The following VWCE variants were observed in gnomAD, a reference collection of about 807,000 sequenced individuals.
VWCE encodes the protein von Willebrand factor C and EGF domains.
In VWCE, 68 loss-of-function variants were observed where a neutral mutation model predicts 102.9. That is an observed-to-expected ratio of 0.66 (90% CI 0.54 to 0.81). The LOEUF (loss-of-function observed/expected upper bound fraction) is 0.81, where lower values mean the gene tolerates loss of function less well. Ranked by LOEUF, VWCE falls within the 30% of genes least tolerant of loss-of-function variation. The pLI, the probability that VWCE is intolerant of heterozygous loss-of-function variation, is 0.00. For missense variants in VWCE, 1,137 were observed against 1,263.6 expected (o/e 0.90, Z 1.52); for synonymous variants, 497 against 515.4 (o/e 0.96, Z 0.48).
Position 61,259,153 on chromosome 11 carries a change from T to TG in VWCE, c.2389dup (p.His797ProfsTer131). 10 of 1,614,106 alleles carry TG rather than the reference T, an allele frequency of 6.2e-6. No homozygotes were observed. The highest frequency in any genetic ancestry group is 8.5e-6 in the Non-Finnish European group (10 of 1,180,002). On this transcript the variant is annotated frameshift_variant, in exon 20 of 20. Transcript: ENST00000335613. LOFTEE classifies it low-confidence loss of function (END_TRUNC). ...CGTTCTTAAAAGGAGCTGGAGGAGA[T>TG]GAAGCACCGGCCTCGAGGGTGATGC...
chr11:61,292,581 G>T (rs75670162), intron 1 of VWCE, among the ~76,000 whole-genome samples: 2,655 of 152,178 alleles, frequency 0.017, 63 homozygotes, highest in East Asian at 0.11. Context: ...TGAATGAGCT[G>T]CCCAAAACTG....
At chr11:61,265,067 T>A (rs766876841) in intron 17 of VWCE, 29 bp from the exon 18 acceptor site, 2 of 1,614,046 alleles carry the variant, frequency 1.2e-6, no homozygotes, top group East Asian at 4.5e-5. Flanking sequence ...CAGGAGCCCA[T>A]GAGAGCCGAG....
intron 15 of VWCE, among the ~76,000 whole-genome samples, chr11:61,268,331 A>G (rs959167934): frequency 1.3e-5 from 2 of 152,192 alleles, no homozygotes; most frequent in Non-Finnish European, 1.5e-5. Context: ...AGGCAGGCAG[A>G]TCACCTGAGG....
At chr11:61,265,337 G>A in intron 16 of VWCE, 125 bp from the exon 17 acceptor site, 1 of 873,522 alleles carries the variant, frequency 1.1e-6, no homozygotes. Flanking sequence ...AGGAGTCCAT[G>A]GTGGGGCAGT....
Position 61,282,908 on chromosome 11 carries a change from G to A in VWCE, c.542-3C>T. The A allele has an allele frequency of 6.2e-7, 1 of 1,611,912 alleles. No individual in the cohort carries two copies. The highest frequency in any genetic ancestry group is 8.5e-7 in the Non-Finnish European group (1 of 1,177,976). On this transcript the variant is annotated splice_polypyrimidine_tract_variant and splice_region_variant and intron_variant, in intron 5 of 19. Coordinates refer to ENST00000335613, the MANE Select transcript of VWCE (RefSeq NM_152718.2). The stretch of plus-strand genomic sequence containing the variant: ...AGTCCCTAGGCATTCGTCAGTGTCT[G>A]GCAGGAAAAGGGACAAGACTGGGGT...
Position 61,280,688 on chromosome 11 carries a change from C to A in VWCE, c.1260G>T (p.Arg420Ser). 1 of 1,614,064 alleles carries A rather than the reference C, an allele frequency of 6.2e-7. No homozygotes were observed. The highest frequency in any genetic ancestry group is 8.5e-7 in the Non-Finnish European group (1 of 1,180,032). ...TTGGGTGGGAACAAGCAGCTTCACA[C>A]CTCACCTTTTCACAGGTCACCTTCC... is the stretch of plus-strand genomic sequence containing the variant. ...EDGKVTCEKV[R>S]CEAACSHPIP... Residue 420 changes from arginine to serine, a missense_variant, in exon 9 of 20, where the codon AGG becomes AGT. Around this residue, in one of 5 missense-constraint regions of VWCE, gnomAD observed 575 missense variants for 625.9 expected, o/e 0.92. Transcript: ENST00000335613.
chr11:61,259,609 C>T (rs534276586), intron 19 of VWCE, among the ~76,000 whole-genome samples: 1 of 152,132 alleles, frequency 6.6e-6, no homozygotes, highest in Non-Finnish European at 1.5e-5. Context: ...AAAGGGTGCA[C>T]GGAGAGTCTC....
In VWCE at chr11:61,291,295, G is replaced by A; in HGVS notation, c.264C>T (p.Cys88=). The A allele has an allele frequency of 6.2e-7, 1 of 1,605,836 alleles. No individual in the cohort carries two copies. The highest frequency in any genetic ancestry group is 2.2e-5 in the East Asian group (1 of 44,780). ...GICIAPNVCS[C]QDGEQGATCP... is the part of the protein sequence containing the mutation. ...AGGTGGCCCCTTGCTCTCCATCCTG[G>A]CAGGAGCAGACATTGGGAGCGATGC... Residue 88 remains cysteine, a synonymous_variant, in exon 3 of 20, where the codon TGC becomes TGT. Transcript: ENST00000335613.
intron 19 of VWCE, among the ~76,000 whole-genome samples, chr11:61,261,267 T>A (rs564463218): frequency 8.7e-5 from 13 of 150,230 alleles, no homozygotes; most frequent in Middle Eastern, 3.4e-3. Context: ...CAAGGAAAAA[T>A]CAGACGTTGT....
In VWCE at chr11:61,281,885, T is replaced by C; in HGVS notation, c.688A>G (p.Arg230Gly). The change falls in exon 7 of 20, where the codon AGG becomes GGG. Residue 230 changes from arginine (R) to glycine (G), a missense_variant. Physicochemically the swap from Arg to Gly is moderately radical, Grantham distance 125 (BLOSUM62 -2). Coordinates refer to ENST00000335613, the MANE Select transcript of VWCE (RefSeq NM_152718.2). ...DVNECRRPLE[R>G]RVCHHSCHNT... ...TGGCAGGAATGGTGACAGACTCGCC[T>C]CTCCAATGGCCTCCGACACTCGTTT... 1 of 1,613,702 alleles carries C rather than the reference T, an allele frequency of 6.2e-7. No homozygotes were observed. The highest frequency in any genetic ancestry group is 1.7e-4 in the Middle Eastern group (1 of 6,056).
At chr11:61,289,554 A>G (rs1407967006) in intron 4 of VWCE, among the ~76,000 whole-genome samples, 3 of 152,188 alleles carry the variant, frequency 2.0e-5, no homozygotes, top group Non-Finnish European at 4.4e-5. Flanking sequence ...CTAGCGAAAA[A>G]AAAAATTATG....
At chr11:61,290,084 C>T (rs543118862) in intron 4 of VWCE, among the ~76,000 whole-genome samples, 1 of 152,324 alleles carries the variant, frequency 6.6e-6, no homozygotes, top group South Asian at 2.1e-4. Flanking sequence ...AAGGAGCCTC[C>T]CCTGGCCAAC....
chr11:61,281,773 G>A lies in VWCE; in HGVS notation c.787+13C>T, dbSNP rs373378507. ...CGTGGCCAGCCGCCGGGATGGAGGG[G>A]CCTGGCGCTCACCTTCACAGGACAC... On this transcript the variant is annotated intron_variant, in intron 7 of 19. Coordinates refer to ENST00000335613, the MANE Select transcript of VWCE (RefSeq NM_152718.2). 4 of 1,605,820 alleles carry A rather than the reference G, an allele frequency of 2.5e-6. No homozygotes were observed. Among genetic ancestry groups the A allele is most frequent in the East Asian group, 2.2e-5 (1 of 44,516 alleles).
chr11:61,271,569 G>A, intron 14 of VWCE, 106 bp downstream of exon 14: 1 of 1,081,812 alleles, frequency 9.2e-7, no homozygotes, highest in Non-Finnish European at 1.4e-6. Flanking sequence ...GAGGGAGACT[G>A]CGGCCAGCCT....
At position 61,281,902 on chromosome 11, in the gene VWCE, C is replaced by T. The variant is rs1319350200; in HGVS notation, c.671G>A (p.Cys224Tyr). The change falls in exon 7 of 20, where the codon TGT becomes TAT. Residue 224 changes from cysteine (C) to tyrosine (Y), a missense_variant. Physicochemically the swap from Cys to Tyr is radical, Grantham distance 194. This residue lies in a region of VWCE where 575 missense variants were observed against 625.9 expected (regional missense o/e 0.92). Transcript: ENST00000335613. The stretch of plus-strand genomic sequence containing the variant: ...GACTCGCCTCTCCAATGGCCTCCGA[C>T]ACTCGTTTACATCTGCGGGAGAGCC... ...NRHSCVDVNE[C>Y]RRPLERRVCH... 1 of 1,613,566 alleles carries T rather than the reference C, an allele frequency of 6.2e-7. No individual in the cohort carries two copies. The highest frequency in any genetic ancestry group is 1.7e-5 in the Admixed American group (1 of 59,982).
In VWCE at chr11:61,267,503, A is replaced by C; in HGVS notation, c.1924T>G (p.Phe642Val). Residue 642 changes from phenylalanine to valine, a missense_variant, in exon 16 of 20, where the codon TTC (phenylalanine) becomes GTC (valine). By Grantham distance (50) the Phe-to-Val change is conservative. Around this residue, in one of 5 missense-constraint regions of VWCE, gnomAD observed 212 missense variants for 235.1 expected, o/e 0.90. Transcript: ENST00000335613. Reference sequence around the variant, plus strand: ...AGACATGGGTCCAGCACAGACGGGAAGGTCTCGTTGTTATAGAAGATTCTG... The same window carrying C: ...AGACATGGGTCCAGCACAGACGGGACGGTCTCGTTGTTATAGAAGATTCTG... ...TGRIFYNNETFPSVLDPCLSC... is the reference protein window; with the variant it reads ...TGRIFYNNETVPSVLDPCLSC... 6.2e-7 allele frequency: 1 copy of C among 1,614,144 alleles called. No homozygotes were observed. The highest frequency in any genetic ancestry group is 8.5e-7 in the Non-Finnish European group (1 of 1,180,020).
intron 19 of VWCE, among the ~76,000 whole-genome samples, chr11:61,260,595 G>C (rs1276087906): frequency 6.6e-6 from 1 of 152,134 alleles, no homozygotes; most frequent in Non-Finnish European, 1.5e-5. Flanking sequence ...ACGGTGCCCA[G>C]CAAAAATGCA....
rs1286399666 is a variant in VWCE, at chr11:61,264,568, C to T, written c.2149G>A (p.Val717Met). ...TGGCAGGGAACCTTCTCACAGCTCA[C>T]CTCTCCCAGCTGGGGAAGCAGAAGG... ...CTRCTCQLGE[V>M]SCEKVPCQRA... Residue 717 changes from valine to methionine, a missense_variant, in exon 19 of 20, where the codon GTG (valine) becomes ATG (methionine). Physicochemically the swap from Val to Met is conservative, Grantham distance 21 (BLOSUM62 1). This residue lies in a region of VWCE where 316 missense variants were observed against 319.3 expected (regional missense o/e 0.99). Transcript: ENST00000335613. 1.2e-6 allele frequency: 2 copies of T among 1,609,718 alleles called. No homozygotes were observed. The highest frequency in any genetic ancestry group is 1.3e-5 in the African/African-American group (1 of 74,914).
intron 9 of VWCE, 104 bp downstream of exon 9, chr11:61,280,520 G>A (rs1435320633): frequency 8.5e-7 from 1 of 1,181,968 alleles, no homozygotes; most frequent in Non-Finnish European, 1.2e-6. Context: ...AACCCTCCAG[G>A]AGATTCTAAT....
Sources: gnomAD v4.1 joint callset for allele counts (sites outside exome capture counted in the v4.1 genomes callset) on GRCh38, gnomAD v4.1.1 for gene constraint, gnomAD v4.1.1 regional missense constraint, MANE v1.5 for transcripts, NCBI Gene and HGNC (gene_info 2026-07-23, HGNC 2026-07-21) for gene names.